Variants in ERC2 observed in about 807,000 individuals in gnomAD.
ERC2 encodes ERC protein 2.
Under a neutral mutation model 114.8 loss-of-function variants are expected in ERC2, and 42 were observed. The ratio of observed to expected loss-of-function variants is 0.37; its 90% CI spans 0.29 to 0.47. The LOEUF (loss-of-function observed/expected upper bound fraction) is 0.47, where lower values mean the gene tolerates loss of function less well. Among genes scored for constraint, ERC2 ranks in the 20% least tolerant of loss-of-function variants. The pLI is 0.99. For missense variants in ERC2, 939 were observed against 1,150.7 expected, an observed-to-expected ratio of 0.82 and a Z score of 2.66; for synonymous variants, 454 against 425.5, an observed-to-expected ratio of 1.07 and a Z score of -0.82.
intron 7 of ERC2, among the ~76,000 whole-genome samples, chr3:56,051,980 A>G (rs1400193389): frequency 6.6e-6 from 1 of 152,214 alleles, no homozygotes; most frequent in Non-Finnish European, 1.5e-5. Context: ...AGTATAAACT[A>G]TGTTCTCTTA....
chr3:55,691,228 GA>G (rs2062623321), intron 16 of ERC2, among the ~76,000 whole-genome samples: 1 of 152,000 alleles, frequency 6.6e-6, no homozygotes, highest in Admixed American at 6.6e-5. Flanking sequence ...AGACATCTGC[GA>G]TATCTTTCTA....
At chr3:55,630,929 G>A (rs1169398056) in intron 17 of ERC2, among the ~76,000 whole-genome samples, 3 of 151,198 alleles carry the variant, frequency 2.0e-5, no homozygotes, top group Admixed American at 6.6e-5. Context: ...AAGAAAGAAG[G>A]AATCATGGCA....
intron 4 of ERC2, among the ~76,000 whole-genome samples, chr3:56,164,344 A>C (rs1443220909): frequency 6.6e-6 from 1 of 152,048 alleles, no homozygotes; most frequent in Non-Finnish European, 1.5e-5. Context: ...AGTATCATAT[A>C]ATATGTGGCC....
At chr3:56,118,662 A>G (rs1272865024) in intron 6 of ERC2, among the ~76,000 whole-genome samples, 5 of 139,352 alleles carry the variant, frequency 3.6e-5, no homozygotes, top group African/African-American at 1.3e-4. Context: ...TTTGAGACAG[A>G]GTCTTGCTCT....
intron 5 of ERC2, among the ~76,000 whole-genome samples, chr3:56,142,212 G>A (rs1456407199): frequency 6.6e-6 from 1 of 151,998 alleles, no homozygotes; most frequent in African/African-American, 2.4e-5. Flanking sequence ...TTATTTGCAG[G>A]AAACGTCTAA....
chr3:56,078,399 C>T (rs2077075407), intron 7 of ERC2, among the ~76,000 whole-genome samples: 1 of 152,110 alleles, frequency 6.6e-6, no homozygotes, highest in Non-Finnish European at 1.5e-5. Context: ...CATGAATGTA[C>T]CATTTAGGCT....
At chr3:55,591,472 C>T (rs114288351) in intron 17 of ERC2, among the ~76,000 whole-genome samples, 1,956 of 152,052 alleles carry the variant, frequency 0.013, 13 homozygotes, top group Middle Eastern at 0.024. Context: ...TTTCCACATG[C>T]GGACACTGAG....
rs2082791477 is a variant in ERC2, at chr3:56,173,467, G to A, written c.1128C>T (p.Leu376=). ...CTACCTTCATTTCGATGACAGTCTG[G>A]AGAGCCTTCGTCTTGGCTGGCTCCG... ...LQPEPAKTKA[L]QTVIEMKDTK... Residue 376 remains leucine (L), a synonymous_variant, in exon 4 of 18, where the codon CTC becomes CTT. Coordinates refer to ENST00000288221, the MANE Select transcript of ERC2 (RefSeq NM_015576.3). 6.2e-7 allele frequency: 1 copy of A among 1,613,914 alleles called. No homozygotes were observed. The highest frequency in any genetic ancestry group is 2.2e-5 in the East Asian group (1 of 44,858).
At chr3:55,574,164 A>G (rs370453953) in intron 17 of ERC2, among the ~76,000 whole-genome samples, 16 of 152,300 alleles carry the variant, frequency 1.1e-4, no homozygotes, top group East Asian at 1.9e-4. Flanking sequence ...CATGTGACCA[A>G]TGATGACACT....
At chr3:56,143,393 C>T (rs369977886) in intron 5 of ERC2, among the ~76,000 whole-genome samples, 2 of 152,154 alleles carry the variant, frequency 1.3e-5, no homozygotes, top group African/African-American at 4.8e-5. Context: ...ATAATTCCTA[C>T]ATGTCATGGG....
At chr3:56,382,295 A>T (rs955030444) in intron 2 of ERC2, among the ~76,000 whole-genome samples, 5 of 151,982 alleles carry the variant, frequency 3.3e-5, no homozygotes, top group Non-Finnish European at 7.4e-5. Flanking sequence ...ACCAGGTCAG[A>T]TCCTATCAGC....
At chr3:56,269,671 A>T (rs1037194588) in intron 3 of ERC2, among the ~76,000 whole-genome samples, 4 of 152,200 alleles carry the variant, frequency 2.6e-5, no homozygotes, top group Admixed American at 1.3e-4. Flanking sequence ...ATTCCCAAAT[A>T]CATCTAAAGG....
At chr3:56,119,748 A>G (rs940337713) in intron 6 of ERC2, among the ~76,000 whole-genome samples, 1 of 152,208 alleles carries the variant, frequency 6.6e-6, no homozygotes, top group African/African-American at 2.4e-5. Flanking sequence ...CCATAAAGCA[A>G]TTAAGATGAA....
chr3:56,149,978 A>AT lies in ERC2; in HGVS notation c.1150-847_1150-846insA, dbSNP rs150656309. Among the ~76,000 whole-genome samples the AT allele has an allele frequency of 4.9e-3, 748 of 152,284 alleles. 7 individuals carry two copies. The highest frequency in any genetic ancestry group is 0.017 in the African/African-American group (723 of 41,568). On this transcript the variant is annotated intron_variant, in intron 4 of 17. Coordinates refer to ENST00000288221, the MANE Select transcript of ERC2 (RefSeq NM_015576.3). ...AGGGTAACCAAAACAAAACAAAAAA[A>AT]ATGACGAAAAATTTTTCCACAACAG...
intron 17 of ERC2, chr3:55,610,524 C>CACACAG (rs1485062094): frequency 6.6e-6 from 1 of 152,374 alleles, no homozygotes; most frequent in East Asian, 1.9e-4. Context: ...CACACACACA[C>CACACAG]ACACACACAC....
At chr3:56,365,656 G>T (rs566648207) in intron 2 of ERC2, among the ~76,000 whole-genome samples, 1 of 152,174 alleles carries the variant, frequency 6.6e-6, no homozygotes, top group African/African-American at 2.4e-5. Flanking sequence ...AAACACAATA[G>T]TATGTTATTT....
intron 12 of ERC2, among the ~76,000 whole-genome samples, chr3:55,960,890 T>A (rs1409618209): frequency 6.6e-6 from 1 of 152,236 alleles, no homozygotes; most frequent in African/African-American, 2.4e-5. Context: ...ATCCTAGCAC[T>A]TTGGGAGGCC....
At chr3:55,907,743 G>A (rs1300782275) in intron 13 of ERC2, among the ~76,000 whole-genome samples, 2 of 152,102 alleles carry the variant, frequency 1.3e-5, no homozygotes, top group South Asian at 2.1e-4. Flanking sequence ...ACACTCTCTG[G>A]GCTTCTGCAT....
At chr3:55,960,095 C>T (rs75038347) in intron 12 of ERC2, among the ~76,000 whole-genome samples, 5,001 of 152,288 alleles carry the variant, frequency 0.033, 153 homozygotes, top group Middle Eastern at 0.082. Flanking sequence ...TCTCTTCTTG[C>T]CTCCCTGGTC....
Sources: gnomAD v4.1 joint callset for allele counts (sites outside exome capture counted in the v4.1 genomes callset) on GRCh38, gnomAD v4.1.1 for gene constraint, MANE v1.5 for transcripts, NCBI Gene and HGNC (gene_info 2026-07-23, HGNC 2026-07-21) for gene names.